The following TIAM1 variants were observed in gnomAD, a reference collection of about 807,000 sequenced individuals.
TIAM1 encodes the protein TIAM Rac1 associated GEF 1, also known as rho guanine nucleotide exchange factor TIAM1.
TIAM1 carries 65 observed loss-of-function variants against 163.5 expected under a neutral mutation model. The ratio of observed to expected loss-of-function variants is 0.40; its 90% confidence interval spans 0.33 to 0.49. The LOEUF is 0.49. Ranked by LOEUF, TIAM1 falls within the 20% of genes least tolerant of loss-of-function variation. The pLI, the probability that TIAM1 is intolerant of heterozygous loss-of-function variation, is 0.77. For missense variants in TIAM1, 1,789 were observed against 2,044.7 expected (o/e 0.87, Z 2.41); for synonymous variants, 833 against 810.1 (o/e 1.03, Z -0.48).
At chr21:31,445,520 C>T (rs755769205) in intron 2 of TIAM1, among the ~76,000 whole-genome samples, 4 of 152,122 alleles carry the variant, frequency 2.6e-5, no homozygotes, top group East Asian at 1.9e-4. Context: ...TTCTGGATGT[C>T]GTCTATTAAT....
rs767409099 is a variant in TIAM1, at chr21:31,154,293, C to T, written c.3125G>A (p.Arg1042His). ...MRQLSDADKL[R>H]KVICELLETE... ...CTCCAGGAGCTCGCAGATCACCTTG[C>T]GCAGCTTATCTGCATCCGAGAGTTG... Residue 1042 changes from arginine (R) to histidine (H), a missense_variant, in exon 17 of 28, where the codon CGC becomes CAC. Transcript: ENST00000541036. 6.5e-5 allele frequency: 105 copies of T among 1,613,978 alleles called. 1 individual carries two copies. In the Admixed American group the frequency reaches 1.3e-3, roughly 20 times the overall value.
At chr21:31,320,641 G>A (rs1226358699) in intron 2 of TIAM1, among the ~76,000 whole-genome samples, 6 of 152,184 alleles carry the variant, frequency 3.9e-5, no homozygotes, top group African/African-American at 1.4e-4. Context: ...ACTGACCAGT[G>A]AGCAATGGTA....
At chr21:31,556,196 GGA>G (rs1357152944) in intron 1 of TIAM1, among the ~76,000 whole-genome samples, 3 of 152,250 alleles carry the variant, frequency 2.0e-5, no homozygotes, top group Middle Eastern at 3.4e-3. Context: ...AGTACAAGAA[GGA>G]TGAGAATCAT....
intron 2 of TIAM1, among the ~76,000 whole-genome samples, chr21:31,369,052 C>G (rs1424123880): frequency 6.8e-6 from 1 of 146,882 alleles, no homozygotes; most frequent in African/African-American, 2.7e-5. Flanking sequence ...TGGTGAAACC[C>G]CATCTCTACT....
intron 6 of TIAM1, among the ~76,000 whole-genome samples, chr21:31,228,244 A>G (rs1569068921): frequency 3.1e-4 from 16 of 51,898 alleles, no homozygotes; most frequent in Non-Finnish European, 6.8e-4. Context: ...AAAAAAAAAA[A>G]AAAAAAAAAA....
intron 1 of TIAM1, among the ~76,000 whole-genome samples, chr21:31,471,069 G>A (rs2045722636): frequency 6.6e-6 from 1 of 152,214 alleles, no homozygotes; most frequent in South Asian, 2.1e-4. Flanking sequence ...TCCGGGGCTG[G>A]GGAAAATCTC....
chr21:31,387,747 C>T (rs1046517341), intron 2 of TIAM1, among the ~76,000 whole-genome samples: 2 of 152,074 alleles, frequency 1.3e-5, no homozygotes, highest in African/African-American at 4.8e-5. Context: ...TGCATAGTGG[C>T]CCGTGGTGAG....
At chr21:31,281,869 T>TAGATGGATGGTAGATGGGC in intron 2 of TIAM1, among the ~76,000 whole-genome samples, 1 of 152,084 alleles carries the variant, frequency 6.6e-6, no homozygotes, top group Non-Finnish European at 1.5e-5. Flanking sequence ...GGTAGGTGGA[T>TAGATGGATGGTAGATGGGC]AGATGGATGG....
intron 2 of TIAM1, among the ~76,000 whole-genome samples, chr21:31,291,415 A>T (rs1039443025): frequency 2.6e-5 from 4 of 152,234 alleles, no homozygotes; most frequent in African/African-American, 9.6e-5. Flanking sequence ...AGCTCTCCTT[A>T]GGAACTCATA....
rs559619185 is a variant in TIAM1, at chr21:31,166,472, TAGGG to T, written c.2888-1411_2888-1408del. 7.9e-5 allele frequency among the ~76,000 whole-genome samples: 12 copies of T among 152,292 alleles called. No homozygotes were observed. The South Asian group carries it at 2.5e-3, about 32-fold the overall frequency. ...TCAGGTCCAAGCTGGCCAGGAAAGTTAGGGAGGAAGTGGACCCCTGAGCAAACTT... is the reference window on the plus strand; with the variant it reads ...TCAGGTCCAAGCTGGCCAGGAAAGTTAGGAAGTGGACCCCTGAGCAAACTT... On this transcript the variant is annotated intron_variant, in intron 15 of 27. Transcript: ENST00000541036.
chr21:31,429,022 C>A (rs2043901742), intron 2 of TIAM1, among the ~76,000 whole-genome samples: 1 of 144,472 alleles, frequency 6.9e-6, no homozygotes, highest in Non-Finnish European at 1.5e-5. Flanking sequence ...TTGTTTAAGG[C>A]AGGGTCTCAC....
intron 15 of TIAM1, among the ~76,000 whole-genome samples, chr21:31,170,238 C>T (rs1474063140): frequency 1.3e-5 from 2 of 152,078 alleles, no homozygotes; most frequent in African/African-American, 4.8e-5. Flanking sequence ...ATAAAGAAAG[C>T]CTCAAAAATG....
intron 2 of TIAM1, among the ~76,000 whole-genome samples, chr21:31,305,844 C>T (rs1297961357): frequency 3.9e-5 from 6 of 152,138 alleles, no homozygotes; most frequent in Non-Finnish European, 8.8e-5. Context: ...CCCAATCTAA[C>T]TACAAGATAT....
chr21:31,444,016 C>T (rs1454466791), intron 2 of TIAM1, among the ~76,000 whole-genome samples: 1 of 152,208 alleles, frequency 6.6e-6, no homozygotes, highest in Admixed American at 6.5e-5. Context: ...TGCAGTTCAT[C>T]CTTAGACCCT....
At chr21:31,426,854 G>A (rs895552523) in intron 2 of TIAM1, among the ~76,000 whole-genome samples, 1 of 152,190 alleles carries the variant, frequency 6.6e-6, no homozygotes, top group African/African-American at 2.4e-5. Context: ...GCACTTGAGG[G>A]AAATTAGAAT....
chr21:31,158,825 C>T (rs2083755068), intron 16 of TIAM1, among the ~76,000 whole-genome samples: 1 of 152,142 alleles, frequency 6.6e-6, no homozygotes, highest in South Asian at 2.1e-4. Flanking sequence ...CAAAATCCAT[C>T]AGGCCCTTCT....
At chr21:31,457,282 T>C (rs547238435) in intron 2 of TIAM1, among the ~76,000 whole-genome samples, 125 of 152,296 alleles carry the variant, frequency 8.2e-4, no homozygotes, top group Non-Finnish European at 1.5e-3. Context: ...CAGACGGTCA[T>C]TGCTCTACCA....
chr21:31,487,580 T>C (rs1391227826), intron 1 of TIAM1, among the ~76,000 whole-genome samples: 3 of 135,800 alleles, frequency 2.2e-5, no homozygotes, highest in Non-Finnish European at 4.6e-5. Flanking sequence ...AGACGGAGTC[T>C]CGCTCTGTCG....
At chr21:31,144,033 CCT>C (rs1262806741) in intron 20 of TIAM1, among the ~76,000 whole-genome samples, 2 of 152,112 alleles carry the variant, frequency 1.3e-5, no homozygotes, top group African/African-American at 4.8e-5. Context: ...CGCACCCAGC[CCT>C]GTCTTTAATT....
Sources: gnomAD v4.1 joint callset for allele counts (sites outside exome capture counted in the v4.1 genomes callset) on GRCh38, gnomAD v4.1.1 for gene constraint, MANE v1.5 for transcripts, NCBI Gene and HGNC (gene_info 2026-07-23, HGNC 2026-07-21) for gene names.